The following EVI5 variants were observed in gnomAD, a reference collection of about 807,000 sequenced individuals.
EVI5 encodes the protein ecotropic viral integration site 5 protein homolog.
Under a neutral mutation model 112.0 loss-of-function variants are expected in EVI5, and 73 were observed. The observed-to-expected ratio is 0.65, with a 90% CI of 0.54 to 0.79. The LOEUF (loss-of-function observed/expected upper bound fraction) is 0.79. Ranked by LOEUF, EVI5 falls within the 30% of genes least tolerant of loss-of-function variation. The pLI, the probability that EVI5 is intolerant of heterozygous loss-of-function variation, is 0.00. For missense variants in EVI5, 900 were observed against 968.8 expected (o/e 0.93, Z 0.94); for synonymous variants, 305 against 319.9 (o/e 0.95, Z 0.50).
At chr1:92,531,472 A>G (rs574225507) in intron 19 of EVI5, among the ~76,000 whole-genome samples, 1 of 152,258 alleles carries the variant, frequency 6.6e-6, no homozygotes, top group Non-Finnish European at 1.5e-5. Context: ...GATCAACCTC[A>G]AGACACATAA....
In EVI5 at chr1:92,517,135, T is replaced by G. The variant is rs530469105; in HGVS notation, c.2167-3165A>C. 5.6e-4 allele frequency among the ~76,000 whole-genome samples: 86 copies of G among 152,320 alleles called. 1 individual carries two copies. In the South Asian group the frequency reaches 0.017, roughly 31 times the overall value. On this transcript the variant is annotated intron_variant, in intron 19 of 19. Coordinates refer to ENST00000684568, the MANE Select transcript of EVI5 (RefSeq NM_001350197.2). ...TCTGTATCAGTGCGACCCACATTCA[T>G]GGATTCAAACAATTGTGGGTCCAAA... is the stretch of plus-strand genomic sequence containing the variant.
chr1:92,524,648 T>C (rs1176713720), intron 19 of EVI5, among the ~76,000 whole-genome samples: 7 of 152,136 alleles, frequency 4.6e-5, no homozygotes, highest in Admixed American at 4.6e-4. Context: ...TGAGAGAACA[T>C]GTGTGTTTGG....
intron 18 of EVI5, among the ~76,000 whole-genome samples, chr1:92,594,205 T>C (rs896739814): frequency 3.3e-5 from 5 of 152,200 alleles, no homozygotes; most frequent in Non-Finnish European, 7.3e-5. Context: ...ATGGTACTGG[T>C]ACCAAAACAG....
chr1:92,679,707 G>A (rs1667296365), intron 9 of EVI5, among the ~76,000 whole-genome samples: 1 of 152,146 alleles, frequency 6.6e-6, no homozygotes, highest in Non-Finnish European at 1.5e-5. Context: ...CAGTTTTGAT[G>A]AGAACCTTGA....
At chr1:92,735,643 T>C (rs1352230904) in intron 2 of EVI5, among the ~76,000 whole-genome samples, 1 of 24,022 alleles carries the variant, frequency 4.2e-5, no homozygotes, top group Non-Finnish European at 8.2e-5. Flanking sequence ...ATATGTCATA[T>C]ATATATATAA....
At chr1:92,730,093 C>T (rs1312639175) in intron 2 of EVI5, among the ~76,000 whole-genome samples, 1 of 152,140 alleles carries the variant, frequency 6.6e-6, no homozygotes, top group African/African-American at 2.4e-5. Flanking sequence ...GTGTCAAGTG[C>T]AATAGCTAAT....
chr1:92,693,822 G>A lies in EVI5; in HGVS notation c.1077C>T (p.Tyr359=). 1 of 1,590,222 alleles carries A rather than the reference G, an allele frequency of 6.3e-7. No individual in the cohort carries two copies. Among genetic ancestry groups the A allele is most frequent in the Non-Finnish European group, 8.6e-7 (1 of 1,161,532 alleles). The change falls in exon 9 of 20, where the codon TAC becomes TAT. Residue 359 remains tyrosine (Y), a synonymous_variant. Coordinates refer to ENST00000684568, the MANE Select transcript of EVI5 (RefSeq NM_001350197.2). ...CTTACTTTTTCATTTTTTTTGAATT[G>A]TATTTGACTTGGTAAGCTGCTTGGA... The part of the protein sequence containing the change: ...KLIQAAYQVK[Y]NSKKMKKLEK...
chr1:92,606,886 T>TCTCACA (rs1553201451), intron 17 of EVI5, among the ~76,000 whole-genome samples: 1 of 66,342 alleles, frequency 1.5e-5, no homozygotes, highest in African/African-American at 8.7e-5. Flanking sequence ...TTTAGTTATT[T>TCTCACA]CACACACACA....
chr1:92,586,392 T>C (rs1672784296), intron 18 of EVI5, among the ~76,000 whole-genome samples: 1 of 152,196 alleles, frequency 6.6e-6, no homozygotes, highest in Non-Finnish European at 1.5e-5. Context: ...TAATCATCAT[T>C]TAAATCAATA....
intron 19 of EVI5, among the ~76,000 whole-genome samples, chr1:92,522,631 C>CAAAAAAAA (rs61277173): frequency 4.0e-4 from 28 of 70,482 alleles, no homozygotes; most frequent in African/African-American, 5.8e-4. Flanking sequence ...ACTCCATCTC[C>CAAAAAAAA]AAAAAAAAAA....
At position 92,531,997 on chromosome 1, in the gene EVI5, C is replaced by T. The variant is rs543036388; in HGVS notation, c.2167-18027G>A. Among the ~76,000 whole-genome samples the T allele has an allele frequency of 1.1e-4, 16 of 151,920 alleles. No homozygotes were observed. The South Asian group carries it at 3.1e-3, about 30-fold the overall frequency. ...CAATTAAAAGACACAGACTGGCGAACTGGAGAGAGGCAAGACCCATCAGTG... is the reference window on the plus strand; with the variant it reads ...CAATTAAAAGACACAGACTGGCGAATTGGAGAGAGGCAAGACCCATCAGTG... On this transcript the variant is annotated intron_variant, in intron 19 of 19. Coordinates refer to ENST00000684568, the MANE Select transcript of EVI5 (RefSeq NM_001350197.2).
At chr1:92,726,910 AAC>A (rs1258882283) in intron 2 of EVI5, among the ~76,000 whole-genome samples, 3 of 152,174 alleles carry the variant, frequency 2.0e-5, no homozygotes, top group African/African-American at 4.8e-5. Flanking sequence ...CCACCAAAAT[AAC>A]AGTTATAGCT....
At chr1:92,747,142 A>AT (rs147172718) in intron 1 of EVI5, among the ~76,000 whole-genome samples, 20 of 152,110 alleles carry the variant, frequency 1.3e-4, no homozygotes, top group South Asian at 2.1e-4. Context: ...AATAATACAG[A>AT]TTTTTTTTAA....
chr1:92,779,604 A>T (rs887931402), intron 1 of EVI5, among the ~76,000 whole-genome samples: 2 of 152,130 alleles, frequency 1.3e-5, no homozygotes, highest in Non-Finnish European at 2.9e-5. Context: ...AAACAAGAAG[A>T]GATGGAGAAA....
chr1:92,618,263 T>C (rs1653674153), intron 16 of EVI5, among the ~76,000 whole-genome samples: 1 of 152,186 alleles, frequency 6.6e-6, no homozygotes, highest in Non-Finnish European at 1.5e-5. Context: ...AAATTTTTGC[T>C]TCCTATTCCC....
intron 1 of EVI5, among the ~76,000 whole-genome samples, chr1:92,743,473 T>C (rs1252414593): frequency 1.3e-5 from 2 of 152,182 alleles, no homozygotes; most frequent in African/African-American, 4.8e-5. Flanking sequence ...TTTTATGAGA[T>C]AGTCAAATCC....
At chr1:92,739,407 C>A (rs903844900) in intron 1 of EVI5, among the ~76,000 whole-genome samples, 1 of 151,616 alleles carries the variant, frequency 6.6e-6, no homozygotes, top group Non-Finnish European at 1.5e-5. Context: ...CAGGCAAATC[C>A]AGAAGTAGAT....
intron 13 of EVI5, among the ~76,000 whole-genome samples, chr1:92,647,963 T>C (rs557459101): frequency 6.6e-6 from 1 of 150,812 alleles, no homozygotes; most frequent in Admixed American, 6.6e-5. Flanking sequence ...CAAGCTGGTC[T>C]CAAACTCCTG....
intron 18 of EVI5, among the ~76,000 whole-genome samples, chr1:92,581,085 T>A (rs1253710744): frequency 6.6e-6 from 1 of 152,242 alleles, no homozygotes; most frequent in Non-Finnish European, 1.5e-5. Context: ...TGTTCATGGC[T>A]AGGTGATTGT....
Sources: allele counts gnomAD v4.1 joint callset (sites outside exome capture counted in the v4.1 genomes callset), GRCh38; gene constraint gnomAD v4.1.1; transcripts MANE v1.5; gene names NCBI Gene and HGNC (gene_info 2026-07-23, HGNC 2026-07-21).